LNX1: variants seen among roughly 807,000 people sequenced by gnomAD.
LNX1 encodes E3 ubiquitin-protein ligase LNX.
In LNX1, 54 loss-of-function variants were observed where a neutral mutation model predicts 68.4. The observed-to-expected ratio is 0.79, with a 90% CI of 0.63 to 0.99. The LOEUF is 0.99. Ranked by LOEUF, LNX1 falls within the 50% of genes least tolerant of loss-of-function variation. The pLI, the probability that LNX1 is intolerant of heterozygous loss-of-function variation, is 0.00. For missense variants in LNX1, 906 were observed against 926.4 expected (o/e 0.98, Z 0.29); for synonymous variants, 336 against 350.0 (o/e 0.96, Z 0.45).
In LNX1 at chr4:53,496,428, C is replaced by T. The variant is rs1725067352; in HGVS notation, c.979-34G>A. On this transcript the variant is annotated intron_variant, in intron 5 of 10. Transcript: ENST00000263925. ...AGGTGGAACAATCGTGCGGTCAGCTCCACCTGCCACAACCCTTCCTGAAAG... is the reference window on the plus strand; with the variant it reads ...AGGTGGAACAATCGTGCGGTCAGCTTCACCTGCCACAACCCTTCCTGAAAG... 5.1e-6 allele frequency: 8 copies of T among 1,553,736 alleles called. No homozygotes were observed. In the South Asian group the frequency reaches 8.7e-5, roughly 17 times the overall value.
chr4:53,652,092 G>A (rs1300766124), intron 1 of LNX1: 2 of 151,860 alleles, frequency 1.3e-5, no homozygotes, highest in African/African-American at 4.9e-5. Context: ...GAGAGCTGGA[G>A]GCTGAGTGGG....
At chr4:53,612,515 T>C (rs753744046) in intron 2 of LNX1, among the ~76,000 whole-genome samples, 5 of 152,138 alleles carry the variant, frequency 3.3e-5, no homozygotes, top group Non-Finnish European at 7.3e-5. Flanking sequence ...AATTATGGCA[T>C]ATCCATATGA....
intron 6 of LNX1, among the ~76,000 whole-genome samples, chr4:53,485,908 T>A (rs1724260028): frequency 6.6e-6 from 1 of 152,210 alleles, no homozygotes; most frequent in Admixed American, 6.5e-5. Context: ...AGAGCTGTCA[T>A]TCCAGCAAGC....
At chr4:53,598,392 C>A (rs1160249891) in intron 2 of LNX1, among the ~76,000 whole-genome samples, 3 of 151,908 alleles carry the variant, frequency 2.0e-5, no homozygotes, top group Non-Finnish European at 2.9e-5. Context: ...ACCACCATGC[C>A]CAGCAAATTT....
chr4:53,503,716 G>A (rs1315279484), intron 4 of LNX1, among the ~76,000 whole-genome samples: 1 of 152,182 alleles, frequency 6.6e-6, no homozygotes. Flanking sequence ...ATCACCAGCT[G>A]TATTAGCCCC....
intron 4 of LNX1, 33 bp from the exon 5 acceptor site, chr4:53,498,876 C>G (rs1362455754): frequency 6.6e-7 from 1 of 1,518,890 alleles, no homozygotes; most frequent in South Asian, 1.1e-5. Flanking sequence ...ATTTAAGACA[C>G]CCACCCAATG....
intron 2 of LNX1, among the ~76,000 whole-genome samples, chr4:53,572,633 G>A (rs898679273): frequency 3.3e-5 from 5 of 152,134 alleles, no homozygotes; most frequent in African/African-American, 1.2e-4. Flanking sequence ...AAATAATTGT[G>A]GTATGATTGT....
intron 1 of LNX1, among the ~76,000 whole-genome samples, chr4:53,633,456 A>T (rs1159217159): frequency 6.6e-6 from 1 of 152,028 alleles, no homozygotes. Flanking sequence ...TCTTCTGGCC[A>T]TGATAAACTA....
chr4:53,637,353 G>A (rs1424393232), intron 1 of LNX1, among the ~76,000 whole-genome samples: 1 of 151,860 alleles, frequency 6.6e-6, no homozygotes, highest in South Asian at 2.1e-4. Context: ...ACCACTGCTT[G>A]AAAAAAATCT....
At chr4:53,467,616 C>T (rs1362798970) in intron 9 of LNX1, among the ~76,000 whole-genome samples, 2 of 152,138 alleles carry the variant, frequency 1.3e-5, no homozygotes, top group Non-Finnish European at 2.9e-5. Context: ...AAATGGCTAA[C>T]TACAATAGCC....
intron 2 of LNX1, chr4:53,558,226 C>A (rs1227763032): frequency 8.0e-7 from 1 of 1,253,072 alleles, no homozygotes; most frequent in African/African-American, 1.5e-5. Context: ...TGAGAGCAGG[C>A]AAGCTGATGC....
chr4:53,562,512 T>G lies in LNX1; in HGVS notation c.380+11111A>C, dbSNP rs1212817584. ...GCCAGTCATGCATACCTACAGCCAG[T>G]CCTAAATGTTTTGCTCAAGTATTTA... On this transcript the variant is annotated intron_variant, in intron 2 of 10. Transcript: ENST00000263925. Among the ~76,000 whole-genome samples the G allele has an allele frequency of 3.3e-5, 5 of 152,330 alleles. No homozygotes were observed. The South Asian group carries it at 8.3e-4, about 25-fold the overall frequency.
chr4:53,557,885 C>T, intron 2 of LNX1: 1 of 1,613,302 alleles, frequency 6.2e-7, no homozygotes, highest in Non-Finnish European at 8.5e-7. Flanking sequence ...GTTCTGAATA[C>T]AGGAAGTGCA....
chr4:53,588,397 C>T (rs10009930), intron 1 of LNX1, among the ~76,000 whole-genome samples: 36,579 of 152,068 alleles, frequency 0.24, 4,684 homozygotes, highest in South Asian at 0.37. Context: ...CCCTATTACA[C>T]AGCTGATGAG....
rs192798205 is a variant in LNX1, at chr4:53,461,621, G to C, written c.1893-28C>G. ...GAAATAGAATGTAATCAGTGTACAT[G>C]CATATTTAAGTTTCACAGTTAAGGG... On this transcript the variant is annotated intron_variant, in intron 9 of 10. Coordinates refer to ENST00000263925, the MANE Select transcript of LNX1 (RefSeq NM_001126328.3). 2.8e-5 allele frequency: 44 copies of C among 1,553,072 alleles called. 1 individual carries two copies. The South Asian group carries it at 3.3e-4, about 12-fold the overall frequency.
chr4:53,532,598 T>C (rs1728094019), intron 2 of LNX1, among the ~76,000 whole-genome samples: 1 of 152,226 alleles, frequency 6.6e-6, no homozygotes, highest in South Asian at 2.1e-4. Context: ...CACTGCATTT[T>C]GATAGTCCCC....
chr4:53,499,270 C>T (rs1362339619), intron 4 of LNX1, among the ~76,000 whole-genome samples: 4 of 152,134 alleles, frequency 2.6e-5, no homozygotes. Flanking sequence ...GTGATCTTCC[C>T]ACCTCAGCCT....
At chr4:53,574,162 A>T in intron 1 of LNX1, 74 bp from the exon 2 acceptor site, 1 of 1,134,646 alleles carries the variant, frequency 8.8e-7, no homozygotes, top group Non-Finnish European at 1.2e-6. Context: ...GACATGAGAC[A>T]GGGCTGCCAA....
At chr4:53,641,792 G>A (rs1734689839) in intron 1 of LNX1, among the ~76,000 whole-genome samples, 1 of 152,100 alleles carries the variant, frequency 6.6e-6, no homozygotes, top group African/African-American at 2.4e-5. Context: ...TATTCTTTTT[G>A]GTGTCTGGCT....
Sources: gnomAD v4.1 joint callset for allele counts (sites outside exome capture counted in the v4.1 genomes callset) on GRCh38, gnomAD v4.1.1 for gene constraint, MANE v1.5 for transcripts, NCBI Gene and HGNC (gene_info 2026-07-23, HGNC 2026-07-21) for gene names.